ELMO1: variants seen among roughly 807,000 people sequenced by gnomAD.
ELMO1 encodes the protein engulfment and cell motility protein 1.
A neutral mutation model predicts 98.9 loss-of-function variants in ELMO1; 26 were observed. The observed-to-expected ratio is 0.26, with a 90% CI of 0.19 to 0.36. The LOEUF is 0.36. ELMO1 is among the 10% of genes least tolerant of loss of function. The pLI, the probability that ELMO1 is intolerant of heterozygous loss-of-function variation, is 1.00. For missense variants in ELMO1, 627 were observed against 935.2 expected (o/e 0.67, Z 4.30); for synonymous variants, 346 against 346.0 (o/e 1.00, Z 0.00).
chr7:36,972,406 G>T lies in ELMO1; in HGVS notation c.1437+40893C>A, dbSNP rs148857339. On this transcript the variant is annotated intron_variant, in intron 16 of 21. Coordinates refer to ENST00000310758, the MANE Select transcript of ELMO1 (RefSeq NM_014800.11). ...TTGAGTGCACTCTATCAGTTTGCTA[G>T]GACTGCCATGACGAAGTATGGCACA... Among the ~76,000 whole-genome samples the T allele has an allele frequency of 7.9e-5, 12 of 152,320 alleles. No homozygotes were observed. In the East Asian group the frequency reaches 2.3e-3, roughly 29 times the overall value.
chr7:37,188,487 TAAA>T (rs869157346), intron 13 of ELMO1, among the ~76,000 whole-genome samples: 29 of 32,052 alleles, frequency 9.0e-4, no homozygotes, highest in South Asian at 4.9e-3. Context: ...TGGAGAAAGG[TAAA>T]AAAAAAAAAA....
intron 16 of ELMO1, among the ~76,000 whole-genome samples, chr7:36,962,747 C>G (rs1465933706): frequency 1.3e-5 from 2 of 152,214 alleles, no homozygotes; most frequent in African/African-American, 4.8e-5. Context: ...TTGAAGTCCT[C>G]CTTCCTTCTG....
intron 1 of ELMO1, among the ~76,000 whole-genome samples, chr7:37,407,596 A>G (rs1476827738): frequency 6.6e-6 from 1 of 152,184 alleles, no homozygotes; most frequent in Non-Finnish European, 1.5e-5. Flanking sequence ...ACTGATTCCA[A>G]CTATATGTCA....
chr7:36,971,463 A>G (rs181328398), intron 16 of ELMO1, among the ~76,000 whole-genome samples: 33 of 152,336 alleles, frequency 2.2e-4, no homozygotes, highest in African/African-American at 7.2e-4. Context: ...AAATGGGGGA[A>G]CAGGAGGAGT....
intron 1 of ELMO1, among the ~76,000 whole-genome samples, chr7:37,356,312 A>G (rs1801493705): frequency 6.6e-6 from 1 of 152,190 alleles, no homozygotes; most frequent in African/African-American, 2.4e-5. Flanking sequence ...CTTTGGGTAT[A>G]TACTCAGTAA....
intron 16 of ELMO1, among the ~76,000 whole-genome samples, chr7:36,993,333 C>A (rs548663889): frequency 1.3e-5 from 2 of 152,246 alleles, no homozygotes; most frequent in Non-Finnish European, 2.9e-5. Context: ...TATCAGAAAC[C>A]AGTCACACAA....
At chr7:37,344,261 A>C (rs1800878913) in intron 1 of ELMO1, among the ~76,000 whole-genome samples, 1 of 152,052 alleles carries the variant, frequency 6.6e-6, no homozygotes, top group South Asian at 2.1e-4. Context: ...TGAACTCCTG[A>C]CCTCAGGTGA....
intron 7 of ELMO1, among the ~76,000 whole-genome samples, chr7:37,238,241 T>G (rs1447814172): frequency 1.3e-5 from 2 of 152,184 alleles, no homozygotes; most frequent in East Asian, 3.8e-4. Context: ...TTATTTATTT[T>G]TAGCAAATAA....
At chr7:37,076,896 A>C (rs1331167097) in intron 15 of ELMO1, among the ~76,000 whole-genome samples, 1 of 152,250 alleles carries the variant, frequency 6.6e-6, no homozygotes, top group East Asian at 1.9e-4. Context: ...TGTATCTGGC[A>C]CTGCGGCTAA....
chr7:37,272,007 A>G, intron 4 of ELMO1, 125 bp from the exon 5 acceptor site: 1 of 772,960 alleles, frequency 1.3e-6, no homozygotes, highest in South Asian at 1.8e-5. Context: ...ATAATTTTTA[A>G]TTATTTCTAT....
chr7:36,900,532 C>T (rs1436454613), intron 16 of ELMO1, among the ~76,000 whole-genome samples: 1 of 152,150 alleles, frequency 6.6e-6, no homozygotes, highest in African/African-American at 2.4e-5. Context: ...AAGAACAAAG[C>T]CCGTGGCCGT....
chr7:37,441,422 A>AC (rs2131590429), intron 1 of ELMO1, among the ~76,000 whole-genome samples: 1 of 152,356 alleles, frequency 6.6e-6, no homozygotes, highest in African/African-American at 2.4e-5. Context: ...ATAAAGCAGT[A>AC]CCTTGAAGGC....
intron 13 of ELMO1, among the ~76,000 whole-genome samples, chr7:37,160,219 T>C (rs1009325306): frequency 7.2e-5 from 11 of 152,202 alleles, no homozygotes. Flanking sequence ...GAAATATATT[T>C]TCAACAATGA....
intron 8 of ELMO1, among the ~76,000 whole-genome samples, chr7:37,232,476 T>C (rs1443259531): frequency 6.6e-6 from 1 of 152,248 alleles, no homozygotes; most frequent in East Asian, 1.9e-4. Context: ...GTTGCAAATT[T>C]GTTACACTTC....
intron 16 of ELMO1, among the ~76,000 whole-genome samples, chr7:37,008,274 C>T (rs1163841320): frequency 6.6e-6 from 1 of 152,204 alleles, no homozygotes; most frequent in African/African-American, 2.4e-5. Flanking sequence ...TTAATTCTCA[C>T]CAGCCATTAA....
intron 12 of ELMO1, among the ~76,000 whole-genome samples, chr7:37,212,683 G>A (rs574842694): frequency 3.9e-5 from 6 of 152,272 alleles, no homozygotes; most frequent in African/African-American, 1.4e-4. Context: ...AGGCCCTCAC[G>A]TGCCAATAAT....
At chr7:36,950,203 T>C (rs1258125117) in intron 16 of ELMO1, among the ~76,000 whole-genome samples, 1 of 152,186 alleles carries the variant, frequency 6.6e-6, no homozygotes, top group South Asian at 2.1e-4. Flanking sequence ...GATGAGCGAC[T>C]CCTGACTGGG....
chr7:36,949,185 C>T (rs569089446), intron 16 of ELMO1, among the ~76,000 whole-genome samples: 95 of 152,280 alleles, frequency 6.2e-4, no homozygotes, highest in African/African-American at 2.0e-3. Context: ...GATCTCATAA[C>T]ACTTTTTTAC....
At chr7:37,211,791 T>G (rs949398721) in intron 12 of ELMO1, among the ~76,000 whole-genome samples, 1 of 152,146 alleles carries the variant, frequency 6.6e-6, no homozygotes, top group African/African-American at 2.4e-5. Flanking sequence ...TCCAGTGCAG[T>G]CTTAACTGAG....
Sources: allele counts gnomAD v4.1 joint callset (sites outside exome capture counted in the v4.1 genomes callset), GRCh38; gene constraint gnomAD v4.1.1; transcripts MANE v1.5; gene names NCBI Gene and HGNC (gene_info 2026-07-23, HGNC 2026-07-21).